Variants in JKAMP observed in about 807,000 individuals in gnomAD.
JKAMP encodes the protein JNK1/MAPK8 associated membrane protein.
JKAMP carries 20 observed loss-of-function variants against 40.2 expected under a neutral mutation model. The observed-to-expected ratio is 0.50, with a 90% confidence interval of 0.35 to 0.72. JKAMP has a LOEUF of 0.72. Ranked by LOEUF, JKAMP falls within the 30% of genes least tolerant of loss-of-function variation. The probability of loss-of-function intolerance (pLI) is 0.01; values close to 1 mark genes in which losing one functional copy is unlikely to be tolerated. For missense variants in JKAMP, 276 were observed against 373.0 expected, an observed-to-expected ratio of 0.74 and a Z score of 2.14; for synonymous variants, 138 against 131.6, an observed-to-expected ratio of 1.05 and a Z score of -0.33.
intron 3 of JKAMP, among the ~76,000 whole-genome samples, chr14:59,491,373 C>T (rs1890990626): frequency 6.6e-6 from 1 of 152,134 alleles, no homozygotes; most frequent in African/African-American, 2.4e-5. Flanking sequence ...AATTGTATTT[C>T]ATTTTGTAAA....
rs554800962 is a variant in JKAMP, at chr14:59,497,380, G to A, written c.459-1347G>A. The stretch of plus-strand genomic sequence containing the variant: ...TTGAAAGAGGGGAAGAGTGGAATGG[G>A]ATGAGGTCTTCTGGTGGAAGGCAGG... On this transcript the variant is annotated intron_variant, in intron 4 of 6. Transcript: ENST00000616435. Among the ~76,000 whole-genome samples the A allele has an allele frequency of 2.0e-5, 3 of 152,242 alleles. No individual in the cohort carries two copies. The South Asian group carries it at 6.2e-4, about 32-fold the overall frequency.
chr14:59,500,958 C>A (rs1891832094), intron 5 of JKAMP: 2 of 434,804 alleles, frequency 4.6e-6, no homozygotes, highest in Non-Finnish European at 8.1e-6. Context: ...TTTCCCACTA[C>A]AACTGCAGAG....
intron 4 of JKAMP, among the ~76,000 whole-genome samples, chr14:59,497,095 C>T (rs1891508162): frequency 6.7e-6 from 1 of 149,680 alleles, no homozygotes. Context: ...GGCTGTTTTT[C>T]CCAATGTATA....
At chr14:59,486,951 A>C (rs1268768337) in intron 2 of JKAMP, 147 bp downstream of exon 2, 2 of 640,668 alleles carry the variant, frequency 3.1e-6, no homozygotes, top group Admixed American at 2.9e-5. Context: ...CTGTAATCCC[A>C]GCACTTTGGG....
Position 59,495,153 on chromosome 14 carries a change from C to T in JKAMP, c.387C>T (p.Tyr129=). ...SCRVLMLSDW[Y]TMLYNPSPDY... is the part of the protein sequence containing the mutation. ...GAGTATTGATGCTTTCTGACTGGTACACGATGCTTTACAACCCAAGTCCAG... is the reference window on the plus strand; with the variant it reads ...GAGTATTGATGCTTTCTGACTGGTATACGATGCTTTACAACCCAAGTCCAG... The change falls in exon 4 of 7, where the codon TAC becomes TAT. Residue 129 remains tyrosine (Y), a synonymous_variant. Coordinates refer to ENST00000616435, the MANE Select transcript of JKAMP (RefSeq NM_016475.5). 1 of 1,613,696 alleles carries T rather than the reference C, an allele frequency of 6.2e-7. No homozygotes were observed. Among genetic ancestry groups the T allele is most frequent in the Non-Finnish European group, 8.5e-7 (1 of 1,179,660 alleles).
intron 6 of JKAMP, among the ~76,000 whole-genome samples, chr14:59,502,773 T>TTTTTTTTTTTGG (rs796697193): frequency 9.7e-6 from 1 of 102,836 alleles, no homozygotes; most frequent in African/African-American, 3.9e-5. Context: ...TTTTTTTTTT[T>TTTTTTTTTTTGG]CGGAGTCTCA....
At chr14:59,496,136 C>CA (rs1891427585) in intron 4 of JKAMP, among the ~76,000 whole-genome samples, 1 of 152,092 alleles carries the variant, frequency 6.6e-6, no homozygotes, top group Non-Finnish European at 1.5e-5. Flanking sequence ...GAACTCCTGG[C>CA]CTTAAGTGAT....
At chr14:59,496,076 G>A (rs1278008527) in intron 4 of JKAMP, among the ~76,000 whole-genome samples, 5 of 152,060 alleles carry the variant, frequency 3.3e-5, no homozygotes, top group African/African-American at 1.2e-4. Flanking sequence ...GCTAATTTTT[G>A]TATTTTTAGT....
At chr14:59,496,436 A>G (rs1012232791) in intron 4 of JKAMP, among the ~76,000 whole-genome samples, 2 of 151,992 alleles carry the variant, frequency 1.3e-5, no homozygotes, top group Non-Finnish European at 2.9e-5. Flanking sequence ...ATTGAATATT[A>G]TATTTAAATA....
chr14:59,488,921 G>T (rs1029204746), intron 3 of JKAMP, among the ~76,000 whole-genome samples: 1 of 152,224 alleles, frequency 6.6e-6, no homozygotes, highest in African/African-American at 2.4e-5. Context: ...AATTAAAAGA[G>T]AAAAATAAGG....
chr14:59,502,426 A>G (rs189630654), intron 6 of JKAMP, among the ~76,000 whole-genome samples: 1 of 152,296 alleles, frequency 6.6e-6, no homozygotes, highest in Non-Finnish European at 1.5e-5. Context: ...AAGAGAAAAT[A>G]AGTTGTAAAC....
chr14:59,491,729 C>T (rs1281123924), intron 3 of JKAMP, among the ~76,000 whole-genome samples: 1 of 152,236 alleles, frequency 6.6e-6, no homozygotes, highest in African/African-American at 2.4e-5. Flanking sequence ...GAACTCTTCT[C>T]TTTCAAAACA....
At chr14:59,503,183 G>C (rs1566584299) in intron 6 of JKAMP, among the ~76,000 whole-genome samples, 1 of 152,118 alleles carries the variant, frequency 6.6e-6, no homozygotes, top group Non-Finnish European at 1.5e-5. Flanking sequence ...AATCAGAAAT[G>C]GGGACCTAAA....
intron 6 of JKAMP, among the ~76,000 whole-genome samples, chr14:59,503,448 G>A (rs1453710971): frequency 2.0e-5 from 3 of 152,084 alleles, no homozygotes; most frequent in Non-Finnish European, 4.4e-5. Context: ...AAGGAGGTTG[G>A]GTTTCTGTAC....
At chr14:59,492,132 C>T (rs2182836) in intron 3 of JKAMP, among the ~76,000 whole-genome samples, 40,450 of 151,744 alleles carry the variant, frequency 0.27, 5,696 homozygotes, top group South Asian at 0.4. Context: ...GTAACTGCTA[C>T]CTATAAAGAA....
At position 59,498,807 on chromosome 14, in the gene JKAMP, C is replaced by T. The variant is rs761220905; in HGVS notation, c.539C>T (p.Ala180Val). The change falls in exon 5 of 7, where the codon GCA becomes GTA. Residue 180 changes from alanine (A) to valine (V), a missense_variant. Physicochemically the swap from Ala to Val is moderately conservative, Grantham distance 64. Coordinates refer to ENST00000616435, the MANE Select transcript of JKAMP (RefSeq NM_016475.5). ...LLRPLLVKKI[A>V]CGLGKSDRFK... ...CGACCTCTTCTGGTGAAGAAGATTG[C>T]ATGTGGGTTAGGGAAATCTGATCGA... The T allele has an allele frequency of 1.2e-6, 2 of 1,609,938 alleles. No individual in the cohort carries two copies. The highest frequency in any genetic ancestry group is 2.2e-5 in the South Asian group (2 of 90,936).
chr14:59,485,318 C>A, intron 1 of JKAMP: 2 of 487,128 alleles, frequency 4.1e-6, no homozygotes, highest in Non-Finnish European at 6.9e-6. Flanking sequence ...TAATTTAGAA[C>A]ATTGTGATTA....
intron 3 of JKAMP, among the ~76,000 whole-genome samples, chr14:59,491,295 ATGC>A (rs1890982594): frequency 6.6e-6 from 1 of 152,218 alleles, no homozygotes; most frequent in African/African-American, 2.4e-5. Context: ...AGAGAAGACG[ATGC>A]TGGTGGGGGT....
chr14:59,488,260 C>T (rs1890729687), intron 3 of JKAMP, among the ~76,000 whole-genome samples: 1 of 151,960 alleles, frequency 6.6e-6, no homozygotes, highest in Admixed American at 6.6e-5. Flanking sequence ...ATTTACTAAG[C>T]ACTGCATTTT....
Sources: allele counts gnomAD v4.1 joint callset (sites outside exome capture counted in the v4.1 genomes callset), GRCh38; gene constraint gnomAD v4.1.1; transcripts MANE v1.5; gene names NCBI Gene and HGNC (gene_info 2026-07-23, HGNC 2026-07-21).